The following TOX3 variants were observed in gnomAD, a reference collection of about 807,000 sequenced individuals.
TOX3 encodes the protein TOX high mobility group box family member 3, also known as CAG trinucleotide repeat-containing gene F9 protein.
In TOX3, 22 loss-of-function variants were observed where a neutral mutation model predicts 64.3. The observed-to-expected ratio is 0.34, with a 90% CI of 0.24 to 0.49. The LOEUF (loss-of-function observed/expected upper bound fraction) is 0.49. TOX3 is among the 20% of genes least tolerant of loss of function. The probability of loss-of-function intolerance (pLI) is 0.99; values close to 1 mark genes in which losing one functional copy is unlikely to be tolerated. For missense variants in TOX3, 661 were observed against 714.4 expected (o/e 0.93, Z 0.85); for synonymous variants, 291 against 273.6 (o/e 1.06, Z -0.63).
chr16:52,511,123 G>A (rs752450206), intron 1 of TOX3, among the ~76,000 whole-genome samples: 8 of 152,054 alleles, frequency 5.3e-5, no homozygotes, highest in Non-Finnish European at 1.0e-4. Flanking sequence ...TCTGAGCATC[G>A]ACATGACAAT....
chr16:52,546,198 G>C (rs1330670239), intron 1 of TOX3, among the ~76,000 whole-genome samples: 3 of 152,084 alleles, frequency 2.0e-5, no homozygotes, highest in African/African-American at 4.8e-5. Flanking sequence ...TGGAGTAGGT[G>C]GGGGAGGTAA....
intron 1 of TOX3, among the ~76,000 whole-genome samples, chr16:52,543,239 A>G (rs773158650): frequency 2.6e-5 from 4 of 152,172 alleles, no homozygotes; most frequent in Admixed American, 6.5e-5. Context: ...GCTTAGATCT[A>G]GAAGTTTCAG....
intron 2 of TOX3, among the ~76,000 whole-genome samples, chr16:52,464,868 C>T (rs986078714): frequency 6.6e-6 from 1 of 152,016 alleles, no homozygotes; most frequent in Admixed American, 6.6e-5. Flanking sequence ...TGAACATTTT[C>T]TACCAGTCTT....
intron 4 of TOX3, 112 bp downstream of exon 4, chr16:52,450,165 G>T: frequency 8.0e-7 from 1 of 1,254,760 alleles, no homozygotes; most frequent in Non-Finnish European, 1.1e-6. Flanking sequence ...ACATTTAAAT[G>T]CTACTCCAAA....
At chr16:52,468,201 T>G (rs1448600020) in intron 2 of TOX3, among the ~76,000 whole-genome samples, 1 of 152,228 alleles carries the variant, frequency 6.6e-6, no homozygotes, top group African/African-American at 2.4e-5. Context: ...TCTGCTTAGA[T>G]ACCAACACTG....
At chr16:52,443,078 C>A (rs1429947258) in intron 6 of TOX3, among the ~76,000 whole-genome samples, 2 of 152,122 alleles carry the variant, frequency 1.3e-5, no homozygotes, top group Non-Finnish European at 2.9e-5. Context: ...TCACCTATAC[C>A]TGCTCTGGAT....
intron 4 of TOX3, among the ~76,000 whole-genome samples, chr16:52,448,587 A>G (rs1960237352): frequency 6.6e-6 from 1 of 152,172 alleles, no homozygotes. Context: ...ATGATGTTAT[A>G]GAATAAACCC....
At chr16:52,525,130 A>C (rs1306385409) in intron 1 of TOX3, among the ~76,000 whole-genome samples, 2 of 152,214 alleles carry the variant, frequency 1.3e-5, no homozygotes, top group Non-Finnish European at 2.9e-5. Flanking sequence ...ACTGCAATCT[A>C]ATCAGGTACA....
intron 1 of TOX3, among the ~76,000 whole-genome samples, chr16:52,476,484 T>C (rs1005711522): frequency 2.0e-5 from 3 of 152,082 alleles, no homozygotes; most frequent in Admixed American, 6.6e-5. Context: ...TTTTGTTTTG[T>C]TTTGGGAAGT....
At chr16:52,519,990 A>AAG (rs1567348271) in intron 1 of TOX3, among the ~76,000 whole-genome samples, 1 of 149,972 alleles carries the variant, frequency 6.7e-6, no homozygotes. Context: ...AAAAAAAAAA[A>AAG]AAGAAGAAGA....
intron 3 of TOX3, among the ~76,000 whole-genome samples, chr16:52,459,237 A>T (rs1960618888): frequency 6.6e-6 from 1 of 152,168 alleles, no homozygotes; most frequent in South Asian, 2.1e-4. Flanking sequence ...TGAACACGGG[A>T]GTTCGAGACT....
intron 1 of TOX3, among the ~76,000 whole-genome samples, chr16:52,531,620 A>G (rs967888774): frequency 6.6e-6 from 1 of 152,236 alleles, no homozygotes; most frequent in African/African-American, 2.4e-5. Flanking sequence ...ATGGTGATAC[A>G]AATTAAAAAG....
chr16:52,485,031 A>G (rs1961473337), intron 1 of TOX3, among the ~76,000 whole-genome samples: 1 of 143,064 alleles, frequency 7.0e-6, no homozygotes, highest in Non-Finnish European at 1.5e-5. Flanking sequence ...AGAAAATGTC[A>G]GATAAATATA....
chr16:52,522,966 C>A (rs568964096), intron 1 of TOX3, among the ~76,000 whole-genome samples: 46 of 152,276 alleles, frequency 3.0e-4, no homozygotes, highest in Non-Finnish European at 5.9e-4. Context: ...AAGCAACGAA[C>A]AAAAGAGACA....
At chr16:52,449,477 A>T (rs974850253) in intron 4 of TOX3, among the ~76,000 whole-genome samples, 2 of 152,180 alleles carry the variant, frequency 1.3e-5, no homozygotes, top group African/African-American at 2.4e-5. Flanking sequence ...CACTCTCCCA[A>T]GCAGAATCGA....
At chr16:52,543,685 A>C (rs767724985) in intron 1 of TOX3, among the ~76,000 whole-genome samples, 1 of 152,236 alleles carries the variant, frequency 6.6e-6, no homozygotes, top group Non-Finnish European at 1.5e-5. Context: ...TTTATACATC[A>C]GTGGCTGGTT....
rs79006286 is a variant in TOX3, at chr16:52,487,204, G to A, written c.88-18630C>T. Reference sequence around the variant, plus strand: ...TGGGATGACAACAGTTGTACAACTCGAAAACTGTTGGCTTCTGGTAGTGAC... The same window carrying A: ...TGGGATGACAACAGTTGTACAACTCAAAAACTGTTGGCTTCTGGTAGTGAC... On this transcript the variant is annotated intron_variant, in intron 1 of 6. Coordinates refer to ENST00000219746, the MANE Select transcript of TOX3 (RefSeq NM_001080430.4). 7.3e-3 allele frequency among the ~76,000 whole-genome samples: 1,110 copies of A among 151,514 alleles called. 15 individuals are homozygous for A. The highest frequency in any genetic ancestry group is 0.025 in the African/African-American group (1,013 of 41,210).
intron 3 of TOX3, 56 bp downstream of exon 3, chr16:52,463,878 T>C (rs1416184590): frequency 3.4e-6 from 5 of 1,471,296 alleles, no homozygotes; most frequent in Non-Finnish European, 4.5e-6. Flanking sequence ...CTCAGATCTT[T>C]ACTATGATTT....
chr16:52,507,791 T>C (rs1280322903), intron 1 of TOX3, among the ~76,000 whole-genome samples: 1 of 152,236 alleles, frequency 6.6e-6, no homozygotes, highest in Non-Finnish European at 1.5e-5. Flanking sequence ...TCTATGATCT[T>C]AATTACATTT....
Sources: gnomAD v4.1 joint callset for allele counts (sites outside exome capture counted in the v4.1 genomes callset) on GRCh38, gnomAD v4.1.1 for gene constraint, MANE v1.5 for transcripts, NCBI Gene and HGNC (gene_info 2026-07-23, HGNC 2026-07-21) for gene names.